Variants in GEMIN5 observed in about 807,000 individuals in gnomAD.
The protein encoded by GEMIN5 is gem nuclear organelle associated protein 5, also known as gem-associated protein 5.
GEMIN5 carries 124 observed loss-of-function variants against 176.9 expected under a neutral mutation model. That is an observed-to-expected ratio of 0.70 (90% CI 0.61 to 0.81). The LOEUF (loss-of-function observed/expected upper bound fraction) is 0.81, where lower values mean the gene tolerates loss of function less well. GEMIN5 is among the 40% of genes least tolerant of loss of function. The pLI is 0.00. For missense variants in GEMIN5, 1,843 were observed against 1,814.6 expected (o/e 1.02, Z -0.28); for synonymous variants, 673 against 665.2 (o/e 1.01, Z -0.18).
intron 9 of GEMIN5, among the ~76,000 whole-genome samples, chr5:154,922,981 C>A (rs1027648305): frequency 6.6e-6 from 1 of 152,106 alleles, no homozygotes; most frequent in Admixed American, 6.6e-5. Context: ...CAGGCGTGAG[C>A]CACCGTGCCA....
chr5:154,895,867 C>T (rs1216662701), intron 24 of GEMIN5, among the ~76,000 whole-genome samples: 2 of 151,864 alleles, frequency 1.3e-5, no homozygotes, highest in Non-Finnish European at 2.9e-5. Context: ...CAGCTTCAAA[C>T]AACTAAAAAA....
chr5:154,893,700 CTT>C (rs1448176677), intron 24 of GEMIN5, among the ~76,000 whole-genome samples: 1 of 152,114 alleles, frequency 6.6e-6, no homozygotes, highest in Non-Finnish European at 1.5e-5. Flanking sequence ...AGTATATAGT[CTT>C]TTGTGTCTTT....
chr5:154,906,048 T>G (rs368855627), intron 16 of GEMIN5, among the ~76,000 whole-genome samples: 1 of 151,194 alleles, frequency 6.6e-6, no homozygotes, highest in East Asian at 1.9e-4. Flanking sequence ...CAGGCTGGAG[T>G]GCAGTGGGTG....
rs1763605551 is a variant in GEMIN5, at chr5:154,907,921, A to T, written c.2168-103T>A. On this transcript the variant is annotated intron_variant, in intron 15 of 27. Transcript: ENST00000285873. ...CTCATTCCTCTTTAATAGCATTTTT[A>T]CCCATTCCCTTTCTTCTCAATGAAC... is the stretch of plus-strand genomic sequence containing the variant. 3.9e-6 allele frequency: 3 copies of T among 759,868 alleles called. No homozygotes were observed. The African/African-American group carries it at 5.3e-5, about 13-fold the overall frequency. 47.1% of individuals were successfully genotyped at this position (759,868 alleles called of 1,614,324 possible). A position where few individuals can be genotyped will look rare whatever the true frequency, so the allele number is the denominator to read the frequency against.
intron 20 of GEMIN5, among the ~76,000 whole-genome samples, chr5:154,902,082 A>G (rs1409315688): frequency 6.6e-6 from 1 of 151,794 alleles, no homozygotes; most frequent in East Asian, 1.9e-4. Flanking sequence ...TATTACAGGC[A>G]TGAATCAGGA....
At chr5:154,925,439 A>G (rs1352840960) in intron 8 of GEMIN5, among the ~76,000 whole-genome samples, 1 of 152,224 alleles carries the variant, frequency 6.6e-6, no homozygotes, top group African/African-American at 2.4e-5. Flanking sequence ...AAAACCAAAA[A>G]AATTACACAT....
chr5:154,938,174 A>C lies in GEMIN5; in HGVS notation c.-41T>G. On this transcript the variant is annotated 5_prime_UTR_variant, in exon 1 of 28. Transcript: ENST00000285873. ...GAGACAAGAGAAGCTGCCACAGCCG[A>C]CCGCTCGTAGCCTCACGCCTTAGGT... 7.5e-7 allele frequency: 1 copy of C among 1,328,462 alleles called. No individual in the cohort carries two copies. Among genetic ancestry groups the C allele is most frequent in the Non-Finnish European group, 9.7e-7 (1 of 1,030,790 alleles). The allele number at this position is 1,328,462 out of a possible 1,614,324, so 82.3% of individuals were successfully genotyped here.
At chr5:154,902,388 G>A in intron 20 of GEMIN5, 151 bp downstream of exon 20, 1 of 671,972 alleles carries the variant, frequency 1.5e-6, no homozygotes, top group Non-Finnish European at 2.4e-6. Flanking sequence ...GGGTTGGGTT[G>A]GATTTATTAG....
rs1763352675 is a variant in GEMIN5, at chr5:154,896,358, CAAGG to C, written c.3346-19_3346-16del. 1.9e-6 allele frequency: 3 copies of C among 1,550,228 alleles called. No homozygotes were observed. Among genetic ancestry groups the C allele is most frequent in the Non-Finnish European group, 2.6e-6 (3 of 1,152,450 alleles). On this transcript the variant is annotated splice_polypyrimidine_tract_variant and intron_variant, in intron 23 of 27. Transcript: ENST00000285873. The stretch of plus-strand genomic sequence containing the variant: ...AATCTCTGACCCTGGAACACGACAA[CAAGG>C]AAGAGGAACTGTTATACAGGGAAAG...
Position 154,916,179 on chromosome 5 carries a change from C to T in GEMIN5, c.1855+819G>A, listed in dbSNP as rs564957419. Among the ~76,000 whole-genome samples, 21 of 151,928 alleles carry T rather than the reference C, an allele frequency of 1.4e-4. No homozygotes were observed. In the South Asian group the frequency reaches 3.1e-3, roughly 23 times the overall value. ...CTAGGATTACAGGTATGAGCCACTG[C>T]GCCTGGCTGACAGATATTTGTTAAT... On this transcript the variant is annotated intron_variant, in intron 13 of 27. Coordinates refer to ENST00000285873, the MANE Select transcript of GEMIN5 (RefSeq NM_015465.5).
intron 25 of GEMIN5, among the ~76,000 whole-genome samples, chr5:154,892,125 T>G (rs1763243286): frequency 6.6e-6 from 1 of 152,238 alleles, no homozygotes; most frequent in Admixed American, 6.5e-5. Context: ...CTGTTCTTAC[T>G]AACATGTAAC....
chr5:154,892,537 T>C lies in GEMIN5; in HGVS notation c.3610A>G (p.Ile1204Val). ...ACTGCCAGGGTCAAGTCATGGCAAATGTGAAGCAGGAGCTGGAGAGAGAAG... is the reference window on the plus strand; with the variant it reads ...ACTGCCAGGGTCAAGTCATGGCAAACGTGAAGCAGGAGCTGGAGAGAGAAG... ...NTPAKQLLLH[I>V]CHDLTLAVLS... Residue 1204 changes from isoleucine to valine, a missense_variant, in exon 25 of 28, where the codon ATT (isoleucine) becomes GTT (valine). Physicochemically the swap from Ile to Val is conservative, Grantham distance 29. Coordinates refer to ENST00000285873, the MANE Select transcript of GEMIN5 (RefSeq NM_015465.5). The C allele has an allele frequency of 6.2e-7, 1 of 1,613,928 alleles. No individual in the cohort carries two copies. The highest frequency in any genetic ancestry group is 1.3e-5 in the African/African-American group (1 of 75,052).
chr5:154,931,172 T>C (rs566331343), intron 5 of GEMIN5, among the ~76,000 whole-genome samples: 46 of 152,392 alleles, frequency 3.0e-4, no homozygotes, highest in Non-Finnish European at 5.6e-4. Flanking sequence ...CTAATATTCC[T>C]GTTTTTATTA....
At position 154,907,968 on chromosome 5, in the gene GEMIN5, A is replaced by C. The variant is rs950066231; in HGVS notation, c.2168-150T>G. 1.4e-5 allele frequency: 9 copies of C among 630,302 alleles called. No individual in the cohort carries two copies. In the African/African-American group the frequency reaches 1.5e-4, roughly 10 times the overall value. The allele number at this position is 630,302 out of a possible 1,614,324, so 39.0% of individuals were successfully genotyped here. ...GAACTTTTAGAATTATATTATCACA[A>C]TATTAACCAAACCCTTTTGAAATTT... On this transcript the variant is annotated intron_variant, in intron 15 of 27. Transcript: ENST00000285873.
intron 6 of GEMIN5, 54 bp from the exon 7 acceptor site, chr5:154,927,604 T>C (rs1764073308): frequency 5.1e-6 from 7 of 1,374,402 alleles, no homozygotes; most frequent in East Asian, 2.3e-5. Flanking sequence ...TGAAAACAAG[T>C]GACTGTTGAG....
intron 26 of GEMIN5, among the ~76,000 whole-genome samples, chr5:154,890,518 G>A (rs977447127): frequency 1.8e-4 from 26 of 141,318 alleles, no homozygotes; most frequent in African/African-American, 5.6e-4. Flanking sequence ...AGGCTGGTAT[G>A]AGTGGCATGA....
At chr5:154,893,955 C>CT (rs1278853703) in intron 24 of GEMIN5, among the ~76,000 whole-genome samples, 1 of 151,940 alleles carries the variant, frequency 6.6e-6, no homozygotes, top group Non-Finnish European at 1.5e-5. Context: ...TTTTTACTTT[C>CT]TTTTTTTGAG....
chr5:154,908,186 T>C (rs1286935813), intron 15 of GEMIN5, among the ~76,000 whole-genome samples: 1 of 144,606 alleles, frequency 6.9e-6, no homozygotes, highest in Non-Finnish European at 1.5e-5. Context: ...TTTTTTTTTT[T>C]TTTTTTTTTT....
At chr5:154,896,405 A>T in intron 23 of GEMIN5, 62 bp from the exon 24 acceptor site, 1 of 1,469,306 alleles carries the variant, frequency 6.8e-7, no homozygotes, top group Non-Finnish European at 9.1e-7. Context: ...TGATCTCGAG[A>T]GCTCTCCCGT....
Sources: allele counts gnomAD v4.1 joint callset (sites outside exome capture counted in the v4.1 genomes callset), GRCh38; gene constraint gnomAD v4.1.1; transcripts MANE v1.5; gene names NCBI Gene and HGNC (gene_info 2026-07-23, HGNC 2026-07-21).